The following EEF1AKMT2 variants were observed in gnomAD, a reference collection of about 807,000 sequenced individuals.
EEF1AKMT2 encodes eukaryotic translation elongation factor 1 alpha lysine methyltransferase 2.
Under a neutral mutation model 35.8 loss-of-function variants are expected in EEF1AKMT2, and 32 were observed. The observed-to-expected ratio is 0.89, with a 90% CI of 0.67 to 1.20. The LOEUF (loss-of-function observed/expected upper bound fraction) is 1.20. EEF1AKMT2 is among the 50% of genes most tolerant of loss of function. The pLI is 0.00. For synonymous variants in EEF1AKMT2, 121 were observed against 133.7 expected, an observed-to-expected ratio of 0.91 and a Z score of 0.65; for missense variants, 330 against 347.5, an observed-to-expected ratio of 0.95 and a Z score of 0.40.
Position 124,787,183 on chromosome 10 carries a change from T to C in EEF1AKMT2, c.291+1860A>G, listed in dbSNP as rs528291872. Among the ~76,000 whole-genome samples the C allele has an allele frequency of 1.4e-4, 22 of 152,116 alleles. No homozygotes were observed. The East Asian group carries it at 4.1e-3, about 28-fold the overall frequency. ...AGGCATGGTCTCGATCTCCTGACCTTGTGATCCACCTGCCTTGGCCTCCCA... is the reference window on the plus strand; with the variant it reads ...AGGCATGGTCTCGATCTCCTGACCTCGTGATCCACCTGCCTTGGCCTCCCA... On this transcript the variant is annotated intron_variant, in intron 3 of 6. Coordinates refer to ENST00000368836, the MANE Select transcript of EEF1AKMT2 (RefSeq NM_212554.4).
intron 5 of EEF1AKMT2, among the ~76,000 whole-genome samples, chr10:124,764,030 A>G (rs1371047361): frequency 6.6e-6 from 1 of 152,298 alleles, no homozygotes; most frequent in Non-Finnish European, 1.5e-5. Flanking sequence ...ACATTATATA[A>G]TCTGTCAAAG....
chr10:124,780,716 G>A (rs571212643), intron 3 of EEF1AKMT2, among the ~76,000 whole-genome samples: 164 of 150,200 alleles, frequency 1.1e-3, no homozygotes, highest in African/African-American at 3.9e-3. Flanking sequence ...TAGAAATATC[G>A]CAAATCTGGC....
intron 4 of EEF1AKMT2, among the ~76,000 whole-genome samples, chr10:124,771,103 TTC>T (rs1219000081): frequency 6.6e-6 from 1 of 151,516 alleles, no homozygotes; most frequent in Admixed American, 6.6e-5. Context: ...GTTTTCTTTT[TTC>T]TTTTTTTTTT....
chr10:124,776,792 T>C (rs1264639834), intron 3 of EEF1AKMT2, among the ~76,000 whole-genome samples: 1 of 148,774 alleles, frequency 6.7e-6, no homozygotes, highest in Admixed American at 6.7e-5. Flanking sequence ...AAGACTCTTG[T>C]CTCAAAAAAA....
At chr10:124,790,166 T>C (rs909428501) in intron 2 of EEF1AKMT2, 107 bp downstream of exon 2, 2 of 809,802 alleles carry the variant, frequency 2.5e-6, no homozygotes, top group East Asian at 5.5e-5. Context: ...GTGCTGGGAT[T>C]ACAGGCGTAA....
intron 3 of EEF1AKMT2, among the ~76,000 whole-genome samples, chr10:124,781,068 C>T (rs1416611107): frequency 6.6e-6 from 1 of 151,906 alleles, no homozygotes; most frequent in Non-Finnish European, 1.5e-5. Flanking sequence ...GCCTCAGTCT[C>T]CTGAGTAGCT....
downstream of EEF1AKMT2, among the ~76,000 whole-genome samples, chr10:124,757,166 CCACACACACA>C (rs55709011): frequency 7.0e-6 from 1 of 143,172 alleles, no homozygotes; most frequent in Admixed American, 7.0e-5. Flanking sequence ...ACACTCCCTC[CCACACACACA>C]CACACACACA....
At chr10:124,787,853 C>G (rs565177655) in intron 3 of EEF1AKMT2, among the ~76,000 whole-genome samples, 8 of 152,068 alleles carry the variant, frequency 5.3e-5, no homozygotes, top group African/African-American at 1.9e-4. Flanking sequence ...TATTCACTTT[C>G]TGATAATTCA....
intron 4 of EEF1AKMT2, among the ~76,000 whole-genome samples, chr10:124,766,638 G>A (rs532911636): frequency 6.6e-6 from 1 of 152,052 alleles, no homozygotes; most frequent in Non-Finnish European, 1.5e-5. Flanking sequence ...AAACTCTATT[G>A]ACTTAAAAAT....
rs1277495646 is a variant in EEF1AKMT2 at position 124,760,242 on chromosome 10, C to T, written c.*261G>A. On this transcript the variant is annotated 3_prime_UTR_variant, in exon 7 of 7. Coordinates refer to ENST00000368836, the MANE Select transcript of EEF1AKMT2 (RefSeq NM_212554.4). The stretch of plus-strand genomic sequence containing the variant: ...TTGATTGATCTCTAAAACCCAACCA[C>T]TTAGATGCTCATTATTATTATTTTC... 6.8e-6 allele frequency: 3 copies of T among 441,448 alleles called. No homozygotes were observed. Among genetic ancestry groups the T allele is most frequent in the Non-Finnish European group, 1.2e-5 (3 of 247,468 alleles). 27.3% of individuals were successfully genotyped at this position (441,448 alleles called of 1,614,324 possible).
intron 3 of EEF1AKMT2, 77 bp from the exon 4 acceptor site, chr10:124,774,859 G>C: frequency 1.6e-6 from 1 of 626,176 alleles, no homozygotes; most frequent in Non-Finnish European, 2.4e-6. Context: ...TATTCCTTTA[G>C]GACTGGTGAT....
chr10:124,777,358 T>G (rs900626798), intron 3 of EEF1AKMT2, among the ~76,000 whole-genome samples: 4 of 151,908 alleles, frequency 2.6e-5, no homozygotes, highest in African/African-American at 7.3e-5. Context: ...CACAGTCATG[T>G]GTCACCATGG....
chr10:124,783,423 CA>C (rs1174081522), intron 3 of EEF1AKMT2, among the ~76,000 whole-genome samples: 1 of 152,124 alleles, frequency 6.6e-6, no homozygotes, highest in Non-Finnish European at 1.5e-5. Flanking sequence ...GGATTGCCGG[CA>C]TAAGCCACTG....
intron 1 of EEF1AKMT2, among the ~76,000 whole-genome samples, chr10:124,790,543 T>C (rs1950625236): frequency 6.6e-6 from 1 of 152,114 alleles, no homozygotes; most frequent in South Asian, 2.1e-4. Flanking sequence ...GTTTATACTG[T>C]ACATGTAAAG....
chr10:124,771,551 A>C (rs934685295), intron 4 of EEF1AKMT2, among the ~76,000 whole-genome samples: 2 of 152,094 alleles, frequency 1.3e-5, no homozygotes, highest in African/African-American at 4.8e-5. Flanking sequence ...GCTACAGAAC[A>C]GATCCTGTGT....
chr10:124,757,119 G>T (rs1950292273), downstream of EEF1AKMT2, among the ~76,000 whole-genome samples: 1 of 151,200 alleles, frequency 6.6e-6, no homozygotes, highest in East Asian at 2.0e-4. Flanking sequence ...TTCATTCAGT[G>T]AAATGTACGA....
chr10:124,768,220 GT>G (rs1304762861), intron 4 of EEF1AKMT2, among the ~76,000 whole-genome samples: 2 of 152,198 alleles, frequency 1.3e-5, no homozygotes, highest in Non-Finnish European at 2.9e-5. Context: ...GAGGGACTTT[GT>G]AAGGCTGGAT....
rs1950301386 is a variant in EEF1AKMT2 at position 124,758,163 on chromosome 10, A to G, written c.*2340T>C. 6.6e-6 allele frequency: 1 copy of G among 152,228 alleles called. No individual in the cohort carries two copies. Among genetic ancestry groups the G allele is most frequent in the Non-Finnish European group, 1.5e-5 (1 of 68,032 alleles). 9.4% of individuals were successfully genotyped at this position (152,228 alleles called of 1,614,324 possible). A position where few individuals can be genotyped will look rare whatever the true frequency, so the allele number is the denominator to read the frequency against. ...AAAGTAAGCGTCTTTCGATTAAATG[A>G]AATCACAATTCCAGCTTCTTATCCA... On this transcript the variant is annotated 3_prime_UTR_variant, in exon 7 of 7. Coordinates refer to ENST00000368836, the MANE Select transcript of EEF1AKMT2 (RefSeq NM_212554.4).
At chr10:124,779,834 G>A (rs1270594555) in intron 3 of EEF1AKMT2, among the ~76,000 whole-genome samples, 1 of 148,788 alleles carries the variant, frequency 6.7e-6, no homozygotes, top group Non-Finnish European at 1.5e-5. Flanking sequence ...AGGCCAAGGT[G>A]GGTGGATCCT....
Sources: gnomAD v4.1 joint callset for allele counts (sites outside exome capture counted in the v4.1 genomes callset) on GRCh38, gnomAD v4.1.1 for gene constraint, MANE v1.5 for transcripts, NCBI Gene and HGNC (gene_info 2026-07-23, HGNC 2026-07-21) for gene names.